RSRC1: variants seen among roughly 807,000 people sequenced by gnomAD.
RSRC1 encodes the protein serine/Arginine-related protein 53.
In RSRC1, 39 loss-of-function variants were observed where a neutral mutation model predicts 49.1. The observed-to-expected ratio is 0.79, with a 90% confidence interval of 0.61 to 1.04. The LOEUF (loss-of-function observed/expected upper bound fraction) is 1.04, where lower values mean the gene tolerates loss of function less well. Among genes scored for constraint, RSRC1 ranks in the 50% least tolerant of loss-of-function variants. The pLI, the probability that RSRC1 is intolerant of heterozygous loss-of-function variation, is 0.00. For missense variants in RSRC1, 388 were observed against 402.4 expected (o/e 0.96, Z 0.31); for synonymous variants, 143 against 130.8 (o/e 1.09, Z -0.63).
chr3:158,260,730 C>CT (rs1328088141), intron 4 of RSRC1, among the ~76,000 whole-genome samples: 4 of 152,192 alleles, frequency 2.6e-5, no homozygotes, highest in Admixed American at 1.3e-4. Flanking sequence ...TGCCAGCACT[C>CT]TAATTCCAAC....
intron 6 of RSRC1, among the ~76,000 whole-genome samples, chr3:158,413,115 AC>A (rs1734548117): frequency 6.6e-6 from 1 of 152,198 alleles, no homozygotes; most frequent in East Asian, 1.9e-4. Flanking sequence ...AGTAGCCAAA[AC>A]AGTGTGGTAC....
At chr3:158,278,777 A>G (rs1725962334) in intron 4 of RSRC1, among the ~76,000 whole-genome samples, 1 of 152,242 alleles carries the variant, frequency 6.6e-6, no homozygotes, top group Non-Finnish European at 1.5e-5. Flanking sequence ...TGATTGGTTG[A>G]CAAATACAAC....
At chr3:158,252,569 T>C (rs1724284079) in intron 4 of RSRC1, among the ~76,000 whole-genome samples, 1 of 152,234 alleles carries the variant, frequency 6.6e-6, no homozygotes, top group African/African-American at 2.4e-5. Context: ...TGTGTCTTTG[T>C]CTGGTTTTGG....
At chr3:158,464,428 A>G (rs2108410842) in intron 7 of RSRC1, among the ~76,000 whole-genome samples, 1 of 152,212 alleles carries the variant, frequency 6.6e-6, no homozygotes, top group East Asian at 1.9e-4. Flanking sequence ...AGCTCTACCC[A>G]TCTGTTAGTT....
chr3:158,323,561 C>T (rs1728886289), intron 5 of RSRC1, among the ~76,000 whole-genome samples: 1 of 152,154 alleles, frequency 6.6e-6, no homozygotes, highest in Non-Finnish European at 1.5e-5. Flanking sequence ...CATTAAATGT[C>T]TACTTGTTCT....
At chr3:158,422,908 C>G (rs1735163722) in intron 6 of RSRC1, among the ~76,000 whole-genome samples, 1 of 151,976 alleles carries the variant, frequency 6.6e-6, no homozygotes, top group African/African-American at 2.4e-5. Flanking sequence ...CCTTCGCCCA[C>G]TTTTTGATGG....
intron 5 of RSRC1, among the ~76,000 whole-genome samples, chr3:158,311,719 T>A (rs1728139308): frequency 6.6e-6 from 1 of 152,014 alleles, no homozygotes; most frequent in Admixed American, 6.6e-5. Flanking sequence ...TAAATACTCT[T>A]ACCACAAAAA....
chr3:158,124,223 G>T (rs1027115665), intron 3 of RSRC1, among the ~76,000 whole-genome samples: 1 of 152,178 alleles, frequency 6.6e-6, no homozygotes, highest in South Asian at 2.1e-4. Context: ...CTGGCTATTG[G>T]CCGGGGTGTA....
At chr3:158,159,644 G>A (rs1009617355) in intron 3 of RSRC1, among the ~76,000 whole-genome samples, 4 of 152,120 alleles carry the variant, frequency 2.6e-5, no homozygotes, top group Non-Finnish European at 4.4e-5. Flanking sequence ...ATAGAAGGGA[G>A]TAGAAATAGA....
intron 3 of RSRC1, among the ~76,000 whole-genome samples, chr3:158,148,004 C>T (rs1458148300): frequency 6.6e-6 from 1 of 152,092 alleles, no homozygotes; most frequent in Non-Finnish European, 1.5e-5. Context: ...ATTTCTTTAT[C>T]CCATCGTGAA....
chr3:158,223,501 C>A (rs1485160072), intron 4 of RSRC1, among the ~76,000 whole-genome samples: 1 of 151,546 alleles, frequency 6.6e-6, no homozygotes, highest in East Asian at 1.9e-4. Flanking sequence ...TTCTTTGTCT[C>A]CACTGGTATC....
intron 4 of RSRC1, among the ~76,000 whole-genome samples, chr3:158,287,967 A>G (rs1726676087): frequency 6.6e-6 from 1 of 152,188 alleles, no homozygotes; most frequent in South Asian, 2.1e-4. Context: ...CTGTGGATGC[A>G]TACCAGGATA....
At chr3:158,130,243 C>T (rs1715925502) in intron 3 of RSRC1, among the ~76,000 whole-genome samples, 1 of 152,060 alleles carries the variant, frequency 6.6e-6, no homozygotes, top group Non-Finnish European at 1.5e-5. Context: ...ACTCTCATGA[C>T]CTAATTACCT....
chr3:158,135,231 T>C (rs569142452), intron 3 of RSRC1, among the ~76,000 whole-genome samples: 1 of 152,128 alleles, frequency 6.6e-6, no homozygotes, highest in East Asian at 1.9e-4. Flanking sequence ...GTGTTTTGGA[T>C]ATTAGCAGAA....
At chr3:158,254,925 T>C (rs1391079776) in intron 4 of RSRC1, among the ~76,000 whole-genome samples, 1 of 152,174 alleles carries the variant, frequency 6.6e-6, no homozygotes, top group Non-Finnish European at 1.5e-5. Flanking sequence ...GTTTGTTTTT[T>C]TCTTGTAAAT....
intron 3 of RSRC1, among the ~76,000 whole-genome samples, chr3:158,175,405 A>G (rs1313218770): frequency 1.3e-5 from 2 of 152,090 alleles, no homozygotes; most frequent in Admixed American, 1.3e-4. Context: ...TCTTGAAGAA[A>G]ATCTCTTAGA....
chr3:158,435,683 C>A (rs1736005382), intron 6 of RSRC1, among the ~76,000 whole-genome samples: 1 of 151,310 alleles, frequency 6.6e-6, no homozygotes, highest in Non-Finnish European at 1.5e-5. Flanking sequence ...TTGAATTATA[C>A]CCTAAATGAA....
At position 158,514,927 on chromosome 3, in the gene RSRC1, G is replaced by C. The variant is rs866972361; in HGVS notation, c.653-22165G>C. Among the ~76,000 whole-genome samples, 16 of 152,076 alleles carry C rather than the reference G, an allele frequency of 1.1e-4. No individual in the cohort carries two copies. In the South Asian group the frequency reaches 1.2e-3, roughly 12 times the overall value. On this transcript the variant is annotated intron_variant, in intron 7 of 9. Coordinates refer to ENST00000611884, the MANE Select transcript of RSRC1 (RefSeq NM_001271838.2). ...GGTTTAAAGTCTGTTTTATCAGAGA[G>C]TAGGATTGCAACCCCTACCTTTTTT...
intron 5 of RSRC1, among the ~76,000 whole-genome samples, chr3:158,307,069 G>A (rs745827806): frequency 6.6e-6 from 1 of 151,436 alleles, no homozygotes; most frequent in Non-Finnish European, 1.5e-5. Context: ...AGCAAGATGC[G>A]AAAGCTTGAG....
Sources: gnomAD v4.1 joint callset for allele counts (sites outside exome capture counted in the v4.1 genomes callset) on GRCh38, gnomAD v4.1.1 for gene constraint, MANE v1.5 for transcripts, NCBI Gene and HGNC (gene_info 2026-07-23, HGNC 2026-07-21) for gene names.